The following KIF27 variants were observed in gnomAD, a reference collection of about 807,000 sequenced individuals.
KIF27 encodes the protein kinesin-like protein KIF27.
Under a neutral mutation model 141.8 loss-of-function variants are expected in KIF27, and 84 were observed. The observed-to-expected ratio is 0.59, with a 90% CI of 0.50 to 0.71. The LOEUF is 0.71. Among genes scored for constraint, KIF27 ranks in the 30% least tolerant of loss-of-function variants. The probability of loss-of-function intolerance (pLI) is 0.00; values close to 1 mark genes in which losing one functional copy is unlikely to be tolerated. For missense variants in KIF27, 1,306 were observed against 1,628.4 expected (o/e 0.80, Z 3.41); for synonymous variants, 471 against 569.5 (o/e 0.83, Z 2.46).
chr9:83,853,692 C>T lies in KIF27; in HGVS notation c.3294G>A (p.Leu1098=), dbSNP rs1948863750. The change falls in exon 15 of 18, where the codon TTG becomes TTA. Residue 1098 remains leucine, a synonymous_variant. Transcript: ENST00000297814. ...CAGGACTCAGGCAAGCTAGCTTTTC[C>T]AAGACATTTGCTTCACCACGAGAGA... The part of the protein sequence containing the change: ...HNLSRGEANV[L]EKLACLSPVE... 1 of 1,613,600 alleles carries T rather than the reference C, an allele frequency of 6.2e-7. No individual in the cohort carries two copies. The highest frequency in any genetic ancestry group is 1.7e-5 in the Admixed American group (1 of 59,982).
chr9:83,849,853 G>C (rs1948332041), intron 16 of KIF27, among the ~76,000 whole-genome samples: 1 of 152,156 alleles, frequency 6.6e-6, no homozygotes, highest in Admixed American at 6.6e-5. Context: ...AAGCTGACAG[G>C]ATTGTAGCAG....
At chr9:83,865,270 C>A (rs772153120) in intron 13 of KIF27, among the ~76,000 whole-genome samples, 2 of 152,058 alleles carry the variant, frequency 1.3e-5, no homozygotes, top group Non-Finnish European at 2.9e-5. Flanking sequence ...TTTTTACTTA[C>A]TTTTTGGAAT....
rs1316183333 is a variant in KIF27 at position 83,850,986 on chromosome 9, C to T, written c.3358-689G>A. On this transcript the variant is annotated intron_variant, in intron 15 of 17. Transcript: ENST00000297814. ...CCAAGTAGCTGGGACTACAGGCGCC[C>T]GCCACCACGCCCAGCTAATTTTTTG... 1.1e-4 allele frequency among the ~76,000 whole-genome samples: 17 copies of T among 149,614 alleles called. No homozygotes were observed. In the South Asian group the frequency reaches 2.8e-3, roughly 24 times the overall value.
At chr9:83,866,015 C>T (rs1271511526) in intron 13 of KIF27, among the ~76,000 whole-genome samples, 1 of 152,052 alleles carries the variant, frequency 6.6e-6, no homozygotes, top group East Asian at 1.9e-4. Context: ...AGATGTTTCA[C>T]GATTCATATG....
intron 11 of KIF27, 40 bp from the exon 12 acceptor site, chr9:83,870,672 A>G (rs1318274511): frequency 1.3e-6 from 2 of 1,595,436 alleles, no homozygotes; most frequent in African/African-American, 1.4e-5. Context: ...TTGCTTTTAC[A>G]CCTGACCATT....
intron 13 of KIF27, among the ~76,000 whole-genome samples, chr9:83,863,101 T>A (rs979333853): frequency 1.3e-5 from 2 of 152,214 alleles, no homozygotes; most frequent in South Asian, 4.1e-4. Flanking sequence ...TTTCTAGATA[T>A]ACAATCATGT....
chr9:83,899,272 A>G (rs1162091016), intron 5 of KIF27, among the ~76,000 whole-genome samples: 1 of 152,218 alleles, frequency 6.6e-6, no homozygotes, highest in Non-Finnish European at 1.5e-5. Flanking sequence ...TAAAAAGCAA[A>G]TCACTCACGA....
At chr9:83,883,351 G>C (rs1951830054) in intron 10 of KIF27, among the ~76,000 whole-genome samples, 1 of 152,128 alleles carries the variant, frequency 6.6e-6, no homozygotes, top group Non-Finnish European at 1.5e-5. Context: ...TAAAGTTAAA[G>C]CTAAAACCAG....
At chr9:83,845,141 G>C (rs1483720826) in intron 16 of KIF27, among the ~76,000 whole-genome samples, 2 of 152,194 alleles carry the variant, frequency 1.3e-5, no homozygotes, top group African/African-American at 4.8e-5. Context: ...CCCCATAAGT[G>C]AATCACAGTG....
chr9:83,859,105 C>T, intron 14 of KIF27, 51 bp downstream of exon 14: 1 of 1,169,796 alleles, frequency 8.5e-7, no homozygotes, highest in Non-Finnish European at 1.3e-6. Context: ...GAGGAAATCA[C>T]TCAAGTGATC....
chr9:83,912,654 T>C (rs1254205970), intron 2 of KIF27, among the ~76,000 whole-genome samples: 1 of 152,216 alleles, frequency 6.6e-6, no homozygotes, highest in Non-Finnish European at 1.5e-5. Context: ...ATAATTTAAA[T>C]ATAAAATTTG....
intron 1 of KIF27, among the ~76,000 whole-genome samples, chr9:83,919,512 C>A (rs1238469742): frequency 6.6e-6 from 1 of 151,732 alleles, no homozygotes; most frequent in Non-Finnish European, 1.5e-5. Flanking sequence ...TGAAGATTAC[C>A]ATTAAGTAAC....
chr9:83,848,226 GAT>G (rs1261550215), intron 16 of KIF27, among the ~76,000 whole-genome samples: 2 of 69,282 alleles, frequency 2.9e-5, no homozygotes, highest in Admixed American at 1.4e-4. Context: ...TGATATATCA[GAT>G]ATGATATATA....
intron 8 of KIF27, among the ~76,000 whole-genome samples, chr9:83,887,713 T>C (rs1952237975): frequency 6.6e-6 from 1 of 151,978 alleles, no homozygotes. Context: ...AGGAAGGAAC[T>C]AGTGTAAGCT....
chr9:83,909,479 T>C (rs1476254222), intron 2 of KIF27, among the ~76,000 whole-genome samples: 1 of 152,084 alleles, frequency 6.6e-6, no homozygotes, highest in Non-Finnish European at 1.5e-5. Context: ...CTAGGTGTGG[T>C]GGCCCATGCC....
In KIF27 at chr9:83,883,915, C is replaced by A. The variant is rs767316258; in HGVS notation, c.2343G>T (p.Gln781His). The change falls in exon 10 of 18, where the codon CAG (glutamine) becomes CAT (histidine). Residue 781 changes from glutamine to histidine, a missense_variant. Coordinates refer to ENST00000297814, the MANE Select transcript of KIF27 (RefSeq NM_017576.4). Reference sequence around the variant, plus strand: ...GATCTTTGTTTTCCAGCTCCTGTAGCTGCTTTTGTGTTTCAATCAGTTCGA... The same window carrying A: ...GATCTTTGTTTTCCAGCTCCTGTAGATGCTTTTGTGTTTCAATCAGTTCGA... ...AKVELIETQK[Q>H]LQELENKDLS... The A allele has an allele frequency of 1.2e-6, 2 of 1,613,580 alleles. No individual in the cohort carries two copies. The highest frequency in any genetic ancestry group is 1.1e-5 in the South Asian group (1 of 91,066).
chr9:83,909,689 A>G (rs1954945572), intron 2 of KIF27, among the ~76,000 whole-genome samples: 1 of 152,106 alleles, frequency 6.6e-6, no homozygotes, highest in Admixed American at 6.5e-5. Flanking sequence ...TAAGTGGCAC[A>G]GGTGGATTTC....
At chr9:83,856,381 T>G (rs955277098) in intron 14 of KIF27, among the ~76,000 whole-genome samples, 1 of 151,020 alleles carries the variant, frequency 6.6e-6, no homozygotes. Context: ...CTGAGGCGGG[T>G]GGATCACTTG....
intron 13 of KIF27, among the ~76,000 whole-genome samples, chr9:83,865,530 C>T (rs1297028228): frequency 6.6e-6 from 1 of 152,174 alleles, no homozygotes; most frequent in Admixed American, 6.5e-5. Context: ...CTCCTGACCT[C>T]CAGTGATCTG....
Sources: gnomAD v4.1 joint callset for allele counts (sites outside exome capture counted in the v4.1 genomes callset) on GRCh38, gnomAD v4.1.1 for gene constraint, MANE v1.5 for transcripts, NCBI Gene and HGNC (gene_info 2026-07-23, HGNC 2026-07-21) for gene names.